Variants in ZNF560 observed in about 807,000 individuals in gnomAD.
ZNF560 encodes the protein zinc finger protein 560.
A neutral mutation model predicts 81.8 loss-of-function variants in ZNF560; 54 were observed. The observed-to-expected ratio is 0.66, with a 90% CI of 0.53 to 0.83. ZNF560 has a LOEUF of 0.83. ZNF560 is among the 40% of genes least tolerant of loss of function. The probability of loss-of-function intolerance (pLI) is 0.00; values close to 1 mark genes in which losing one functional copy is unlikely to be tolerated. For synonymous variants in ZNF560, 321 were observed against 317.9 expected (o/e 1.01, Z -0.10); for missense variants, 940 against 932.4 (o/e 1.01, Z -0.11).
rs573291446 is a variant in ZNF560, at chr19:9,483,305, C to T, written c.-56-7936G>A. 2.9e-4 allele frequency among the ~76,000 whole-genome samples: 44 copies of T among 151,828 alleles called. 1 individual carries two copies. The Middle Eastern group carries it at 0.01, about 35-fold the overall frequency. On this transcript the variant is annotated intron_variant, in intron 2 of 9. Transcript: ENST00000301480. ...GTCTGGGATGTGAGGAGCGCCTCTG[C>T]CCGGCCGCGACCCCATCTGGGAGGT...
At chr19:9,491,723 G>GGCTGAGA (rs1172822684) in intron 2 of ZNF560, among the ~76,000 whole-genome samples, 2 of 150,800 alleles carry the variant, frequency 1.3e-5, no homozygotes, top group African/African-American at 2.4e-5. Flanking sequence ...CTACTCAGGA[G>GGCTGAGA]GCTGAGACAG....
At chr19:9,485,503 T>C (rs2073370927) in intron 2 of ZNF560, among the ~76,000 whole-genome samples, 1 of 94,248 alleles carries the variant, frequency 1.1e-5, no homozygotes, top group African/African-American at 3.9e-5. Flanking sequence ...CAAGACTACA[T>C]CTCAAGAAAA....
At chr19:9,459,781 T>C in the ZNF560 span, among the ~76,000 whole-genome samples, 2 of 152,102 alleles carry the variant, frequency 1.3e-5, no homozygotes, top group African/African-American at 4.8e-5. Context: ...TTCTTCTAAC[T>C]CAAGATACAA....
At chr19:9,482,730 C>A (rs199598115) in intron 2 of ZNF560, among the ~76,000 whole-genome samples, 1 of 149,444 alleles carries the variant, frequency 6.7e-6, no homozygotes, top group Non-Finnish European at 1.5e-5. Context: ...CTGGACTGTA[C>A]TGCCACCATC....
At chr19:9,476,275 C>A (rs958377299) in intron 2 of ZNF560, among the ~76,000 whole-genome samples, 2 of 151,968 alleles carry the variant, frequency 1.3e-5, no homozygotes, top group African/African-American at 4.8e-5. Flanking sequence ...CTCACAAGAT[C>A]TGATGGTGGG....
At chr19:9,447,152 AAT>A in the ZNF560 span, among the ~76,000 whole-genome samples, 9 of 151,722 alleles carry the variant, frequency 5.9e-5, no homozygotes, top group African/African-American at 2.2e-4. Flanking sequence ...AAAAAAAAAA[AAT>A]AGACATACTC....
chr19:9,488,594 T>G (rs761270058), intron 2 of ZNF560, among the ~76,000 whole-genome samples: 15 of 151,858 alleles, frequency 9.9e-5, no homozygotes, highest in African/African-American at 9.7e-5. Context: ...TACAACATAA[T>G]GCAAGAGAAA....
At chr19:9,494,924 A>C (rs977136169) in intron 2 of ZNF560, among the ~76,000 whole-genome samples, 5 of 151,798 alleles carry the variant, frequency 3.3e-5, no homozygotes, top group Admixed American at 2.0e-4. Context: ...ACAAACAAAC[A>C]AAACAAACAA....
chr19:9,489,659 G>A (rs903365105), intron 2 of ZNF560, among the ~76,000 whole-genome samples: 14 of 151,818 alleles, frequency 9.2e-5, no homozygotes, highest in East Asian at 1.9e-4. Flanking sequence ...GCGTGACCTC[G>A]GCTCACCGCA....
the ZNF560 span, among the ~76,000 whole-genome samples, chr19:9,460,408 G>A: frequency 3.3e-5 from 5 of 152,206 alleles, no homozygotes; most frequent in Non-Finnish European, 7.3e-5. Flanking sequence ...CTGACAAAAA[G>A]AGCAATTATA....
chr19:9,493,048 C>A (rs1214465417), intron 2 of ZNF560, among the ~76,000 whole-genome samples: 1 of 152,148 alleles, frequency 6.6e-6, no homozygotes. Flanking sequence ...GGATTAATCT[C>A]AACTACCAAA....
chr19:9,470,269 T>A (rs193273795), intron 7 of ZNF560, 123 bp downstream of exon 7: 68,325 of 1,252,992 alleles, frequency 0.055, 2,165 homozygotes, highest in Middle Eastern at 0.087. Context: ...TTAAAAAAAA[T>A]TTTTTTTCAG....
At chr19:9,472,747 T>C (rs1254410235) in intron 5 of ZNF560, among the ~76,000 whole-genome samples, 1 of 152,182 alleles carries the variant, frequency 6.6e-6, no homozygotes, top group Non-Finnish European at 1.5e-5. Context: ...AATGTAATAA[T>C]AGTAGAAATA....
the ZNF560 span, among the ~76,000 whole-genome samples, chr19:9,460,515 C>T: frequency 6.6e-6 from 1 of 152,156 alleles, no homozygotes; most frequent in African/African-American, 2.4e-5. Context: ...TCTTGGATGC[C>T]TGGTCCTACA....
chr19:9,481,826 G>C (rs1194336142), intron 2 of ZNF560, among the ~76,000 whole-genome samples: 1 of 152,184 alleles, frequency 6.6e-6, no homozygotes, highest in East Asian at 1.9e-4. Context: ...ACTGTTGGTG[G>C]GAGTGTAAAC....
upstream of ZNF560, among the ~76,000 whole-genome samples, chr19:9,499,475 AG>A (rs1838712463): frequency 6.6e-6 from 1 of 152,202 alleles, no homozygotes. Flanking sequence ...TACAGGCGTG[AG>A]CCATCATGCA....
chr19:9,462,188 G>A (rs145359157), downstream of ZNF560, among the ~76,000 whole-genome samples: 287 of 152,304 alleles, frequency 1.9e-3, no homozygotes, highest in Non-Finnish European at 2.9e-3. Flanking sequence ...GATCTCTGCA[G>A]CACTGTGACA....
the ZNF560 span, among the ~76,000 whole-genome samples, chr19:9,504,135 T>C: frequency 2.0e-5 from 3 of 152,174 alleles, no homozygotes; most frequent in African/African-American, 7.2e-5. Flanking sequence ...TCAGTGCTTT[T>C]AAATTTACTG....
chr19:9,474,212 G>A lies in ZNF560; in HGVS notation c.144C>T (p.Asn48=), dbSNP rs187931263. ...TGGCAGTCTTACCTACTTTGGCCAC[G>A]TTCTCATAATTCTCCAGCATCACAT... The part of the protein sequence containing the change: ...YRDVMLENYE[N]VAKVGFQLFK... Residue 48 remains asparagine (N), a synonymous_variant, in exon 4 of 10, where the codon AAC becomes AAT. Transcript: ENST00000301480. The A allele has an allele frequency of 3.4e-5, 55 of 1,614,150 alleles. 1 individual carries two copies. Among genetic ancestry groups the A allele is most frequent in the Middle Eastern group, 1.6e-4 (1 of 6,062 alleles).
Sources: gnomAD v4.1 joint callset for allele counts (sites outside exome capture counted in the v4.1 genomes callset) on GRCh38, gnomAD v4.1.1 for gene constraint, MANE v1.5 for transcripts, NCBI Gene and HGNC (gene_info 2026-07-23, HGNC 2026-07-21) for gene names.